Variants in GALNT16 observed in about 807,000 individuals in gnomAD.
GALNT16 encodes the protein polypeptide N-acetylgalactosaminyltransferase 16.
Under a neutral mutation model 76.1 loss-of-function variants are expected in GALNT16, and 40 were observed. The ratio of observed to expected loss-of-function variants is 0.53; its 90% CI spans 0.41 to 0.68. GALNT16 has a LOEUF of 0.68. Ranked by LOEUF, GALNT16 falls within the 30% of genes least tolerant of loss-of-function variation. The pLI is 0.00. For synonymous variants in GALNT16, 276 were observed against 285.2 expected, an observed-to-expected ratio of 0.97 and a Z score of 0.32; for missense variants, 621 against 731.9, an observed-to-expected ratio of 0.85 and a Z score of 1.75.
At chr14:69,348,044 G>A in intron 14 of GALNT16, 42 bp downstream of exon 14, 1 of 1,608,096 alleles carries the variant, frequency 6.2e-7, no homozygotes, top group African/African-American at 1.3e-5. Context: ...AGCAGCCCGA[G>A]GGGCCATGCC....
rs1421863149 is a variant in GALNT16, at chr14:69,285,626, A to G, written c.177+25159A>G. On this transcript the variant is annotated intron_variant, in intron 1 of 14. Transcript: ENST00000448469. ...ACAATGTACCATCGTCTACATTTCC[A>G]TTGTAGGCACCATTGTAGCTGGGGC... Among the ~76,000 whole-genome samples the G allele has an allele frequency of 3.9e-5, 6 of 152,114 alleles. No individual in the cohort carries two copies. The East Asian group carries it at 1.2e-3, about 29-fold the overall frequency.
chr14:69,259,655 GC>G (rs1007085373), upstream of GALNT16: 25 of 152,712 alleles, frequency 1.6e-4, no homozygotes, highest in Middle Eastern at 6.8e-3. Context: ...ACTCTCCCCC[GC>G]CCAGCCGCCC....
intron 6 of GALNT16, 94 bp from the exon 7 acceptor site, chr14:69,331,370 A>AT: frequency 1.3e-6 from 1 of 753,292 alleles, no homozygotes; most frequent in Admixed American, 1.8e-5. Flanking sequence ...TGAGTGCCCC[A>AT]TGTCTCAGAG....
chr14:69,285,414 A>G lies in GALNT16; in HGVS notation c.177+24947A>G, dbSNP rs534766834. Among the ~76,000 whole-genome samples the G allele has an allele frequency of 2.7e-4, 39 of 145,464 alleles. No homozygotes were observed. The South Asian group carries it at 8.5e-3, about 32-fold the overall frequency. On this transcript the variant is annotated intron_variant, in intron 1 of 14. Transcript: ENST00000448469. ...GGAATAGGATTGTCAGGGGGATCAAATGAGATTACACCTCTAAAATGTGTA... is the reference window on the plus strand; with the variant it reads ...GGAATAGGATTGTCAGGGGGATCAAGTGAGATTACACCTCTAAAATGTGTA...
chr14:69,262,897 T>C (rs1266058563), intron 1 of GALNT16, among the ~76,000 whole-genome samples: 1 of 130,442 alleles, frequency 7.7e-6, no homozygotes, highest in Non-Finnish European at 1.6e-5. Flanking sequence ...TTTTTTTTTT[T>C]GAGATGGAGT....
intron 12 of GALNT16, among the ~76,000 whole-genome samples, chr14:69,342,531 AAAAG>A (rs2045507286): frequency 3.1e-5 from 2 of 63,760 alleles, no homozygotes; most frequent in African/African-American, 4.1e-5. Context: ...GAGGGAGAGG[AAAAG>A]AAAAGAAAAG....
At chr14:69,334,888 A>C (rs1237184190) in intron 9 of GALNT16, among the ~76,000 whole-genome samples, 3 of 150,750 alleles carry the variant, frequency 2.0e-5, no homozygotes, top group Admixed American at 6.6e-5. Context: ...GAGCAGGGGC[A>C]GGTCCTTGGT....
intron 1 of GALNT16, among the ~76,000 whole-genome samples, chr14:69,308,458 A>G (rs1378287): frequency 0.62 from 94,117 of 152,016 alleles, 29,443 homozygotes; most frequent in South Asian, 0.76. Context: ...AACTATTTAT[A>G]TAAAATGAAT....
At chr14:69,364,527 A>G in the GALNT16 span, among the ~76,000 whole-genome samples, 1 of 151,888 alleles carries the variant, frequency 6.6e-6, no homozygotes, top group Non-Finnish European at 1.5e-5. The surrounding 1 kb of genome is among the most constrained non-coding windows in gnomAD (Gnocchi z 4.2). Context: ...TTTCATTTAA[A>G]CTGGCAGCAA....
At chr14:69,350,036 A>T (rs1447514900) in intron 14 of GALNT16, 1 of 151,970 alleles carries the variant, frequency 6.6e-6, no homozygotes, top group East Asian at 1.9e-4. Flanking sequence ...AAATGGTGAA[A>T]CCCCGTCTCT....
At chr14:69,313,823 C>T (rs2045062707) in intron 1 of GALNT16, among the ~76,000 whole-genome samples, 1 of 123,890 alleles carries the variant, frequency 8.1e-6, no homozygotes, top group Non-Finnish European at 1.9e-5. Flanking sequence ...TCAGTTGGCT[C>T]TGCTGATGGT....
At chr14:69,310,379 G>A (rs2045000480) in intron 1 of GALNT16, among the ~76,000 whole-genome samples, 1 of 151,942 alleles carries the variant, frequency 6.6e-6, no homozygotes, top group African/African-American at 2.4e-5. Context: ...TATTTGATCA[G>A]AGTTGCATTA....
At chr14:69,307,842 G>C (rs956677847) in intron 1 of GALNT16, among the ~76,000 whole-genome samples, 1 of 152,180 alleles carries the variant, frequency 6.6e-6, no homozygotes, top group Non-Finnish European at 1.5e-5. Flanking sequence ...AGTGTTCTGT[G>C]GTTGATGTCT....
downstream of GALNT16, chr14:69,357,899 AG>A (rs2045703440): frequency 6.5e-6 from 1 of 152,756 alleles, no homozygotes; most frequent in Non-Finnish European, 1.5e-5. Context: ...CAGGAAGGAG[AG>A]CTGGAGGCCC....
chr14:69,290,852 C>G (rs1337977298), intron 1 of GALNT16, among the ~76,000 whole-genome samples: 1 of 152,204 alleles, frequency 6.6e-6, no homozygotes, highest in Non-Finnish European at 1.5e-5. Flanking sequence ...TGACTGACAA[C>G]AGTTAAACTG....
At chr14:69,338,035 C>T (rs941332504) in intron 9 of GALNT16, among the ~76,000 whole-genome samples, 6 of 152,204 alleles carry the variant, frequency 3.9e-5, no homozygotes, top group African/African-American at 1.4e-4. Flanking sequence ...CCCTTCTGGG[C>T]AGCAGGATGG....
chr14:69,363,124 T>C, the GALNT16 span, among the ~76,000 whole-genome samples: 1 of 152,216 alleles, frequency 6.6e-6, no homozygotes. Context: ...CACCGTTGTC[T>C]GCATCCCTGT....
intron 1 of GALNT16, among the ~76,000 whole-genome samples, chr14:69,274,527 G>A (rs1396155653): frequency 6.6e-6 from 1 of 152,140 alleles, no homozygotes; most frequent in Non-Finnish European, 1.5e-5. Context: ...GGCATTGGCT[G>A]TTGGCAAAAG....
intron 12 of GALNT16, among the ~76,000 whole-genome samples, chr14:69,345,691 C>T (rs562410320): frequency 1.5e-5 from 1 of 66,918 alleles, no homozygotes; most frequent in African/African-American, 4.4e-5. Flanking sequence ...GGTTTATTAC[C>T]CATAAGGTGT....
Sources: gnomAD v4.1 joint callset for allele counts (sites outside exome capture counted in the v4.1 genomes callset) on GRCh38, gnomAD v4.1.1 for gene constraint, Gnocchi (gnomAD v3.1) non-coding constraint, MANE v1.5 for transcripts, NCBI Gene and HGNC (gene_info 2026-07-23, HGNC 2026-07-21) for gene names.